The following KLHL1 variants were observed in gnomAD, a reference collection of about 807,000 sequenced individuals.
The protein encoded by KLHL1 is kelch-like protein 1.
A neutral mutation model predicts 77.7 loss-of-function variants in KLHL1; 47 were observed. The observed-to-expected ratio is 0.60, with a 90% CI of 0.48 to 0.77. KLHL1 has a LOEUF of 0.77. Ranked by LOEUF, KLHL1 falls within the 30% of genes least tolerant of loss-of-function variation. KLHL1 has a pLI of 0.00. For synonymous variants in KLHL1, 360 were observed against 325.2 expected, an observed-to-expected ratio of 1.11 and a Z score of -1.15; for missense variants, 925 against 910.8, an observed-to-expected ratio of 1.02 and a Z score of -0.20.
At chr13:69,702,984 G>T (rs562432600) in intron 10 of KLHL1, among the ~76,000 whole-genome samples, 1 of 151,758 alleles carries the variant, frequency 6.6e-6, no homozygotes, top group South Asian at 2.1e-4. Context: ...CAGCATCAAT[G>T]TATGCAAACC....
intron 3 of KLHL1, among the ~76,000 whole-genome samples, chr13:69,943,413 T>C (rs538408181): frequency 7.2e-5 from 11 of 151,800 alleles, no homozygotes; most frequent in African/African-American, 1.2e-4. Flanking sequence ...AGTGAGCTGA[T>C]GAAGGAAAAA....
rs1288331184 is a variant in KLHL1, at chr13:69,874,967, G to A, written c.1227+7316C>T. 2.0e-5 allele frequency among the ~76,000 whole-genome samples: 3 copies of A among 152,062 alleles called. No individual in the cohort carries two copies. In the East Asian group the frequency reaches 5.8e-4, roughly 29 times the overall value. ...AGAAATTTAGGACTACAGGTAAATT[G>A]TTTTTTGTAATTTGTTTCTACATAG... On this transcript the variant is annotated intron_variant, in intron 5 of 10. Transcript: ENST00000377844.
intron 1 of KLHL1, among the ~76,000 whole-genome samples, chr13:69,977,536 T>A (rs991598662): frequency 3.9e-5 from 6 of 152,096 alleles, no homozygotes; most frequent in African/African-American, 1.2e-4. Flanking sequence ...CTATATTCTG[T>A]AATCTTAAAA....
intron 6 of KLHL1, among the ~76,000 whole-genome samples, chr13:69,823,992 A>G (rs1878446240): frequency 6.6e-6 from 1 of 151,874 alleles, no homozygotes; most frequent in African/African-American, 2.4e-5. Context: ...GTGTATATAT[A>G]TGTATATGTG....
chr13:69,961,230 G>T, intron 3 of KLHL1, 78 bp downstream of exon 3: 1 of 1,355,420 alleles, frequency 7.4e-7, no homozygotes, highest in Non-Finnish European at 1.0e-6. Flanking sequence ...TTTTAAAAAA[G>T]CGTTAAATCC....
chr13:70,009,640 G>A (rs541193836), intron 1 of KLHL1, among the ~76,000 whole-genome samples: 1 of 152,216 alleles, frequency 6.6e-6, no homozygotes, highest in African/African-American at 2.4e-5. Context: ...GTTACTTAAA[G>A]GATATGTAAA....
At chr13:69,883,355 A>C (rs1478905038) in intron 4 of KLHL1, among the ~76,000 whole-genome samples, 1 of 151,718 alleles carries the variant, frequency 6.6e-6, no homozygotes. Flanking sequence ...TCCCTTACTT[A>C]CTCCATTACT....
At chr13:69,865,093 T>G (rs1403092744) in intron 5 of KLHL1, among the ~76,000 whole-genome samples, 1 of 152,062 alleles carries the variant, frequency 6.6e-6, no homozygotes, top group African/African-American at 2.4e-5. Context: ...GCTACAGGCA[T>G]GCATGTATAT....
intron 5 of KLHL1, among the ~76,000 whole-genome samples, chr13:69,875,785 A>G (rs2138184225): frequency 6.6e-6 from 1 of 152,048 alleles, no homozygotes; most frequent in South Asian, 2.1e-4. Context: ...AGCATTATTT[A>G]TTGTCTATGT....
chr13:69,861,014 T>C (rs1880135232), intron 5 of KLHL1, among the ~76,000 whole-genome samples: 2 of 152,078 alleles, frequency 1.3e-5, no homozygotes, highest in Non-Finnish European at 2.9e-5. Flanking sequence ...TACGGTGAGT[T>C]ATGATCACAA....
intron 1 of KLHL1, among the ~76,000 whole-genome samples, chr13:70,084,172 C>G (rs961531111): frequency 3.9e-5 from 6 of 152,048 alleles, no homozygotes; most frequent in Non-Finnish European, 1.5e-5. Context: ...GAGGAAGGTA[C>G]TTTAAATTAT....
intron 5 of KLHL1, among the ~76,000 whole-genome samples, chr13:69,879,209 A>AAT (rs1555276659): frequency 4.6e-5 from 7 of 152,076 alleles, no homozygotes; most frequent in Non-Finnish European, 1.0e-4. Context: ...TATAATAAAA[A>AAT]ATATATATAT....
At chr13:70,093,062 A>G (rs1344187882) in intron 1 of KLHL1, among the ~76,000 whole-genome samples, 1 of 152,160 alleles carries the variant, frequency 6.6e-6, no homozygotes, top group African/African-American at 2.4e-5. Context: ...AATGACTTCC[A>G]CTTTTATTTC....
intron 4 of KLHL1, among the ~76,000 whole-genome samples, chr13:69,891,900 T>G (rs1881435088): frequency 6.6e-6 from 1 of 151,990 alleles, no homozygotes; most frequent in Admixed American, 6.6e-5. Context: ...TTATAAATTT[T>G]ATTTTTTTAA....
chr13:69,900,509 G>A lies in KLHL1; in HGVS notation c.1015-18014C>T, dbSNP rs115103280. Among the ~76,000 whole-genome samples the A allele has an allele frequency of 5.1e-3, 781 of 152,236 alleles. 6 individuals are homozygous for A. Among genetic ancestry groups the A allele is most frequent in the African/African-American group, 0.017 (707 of 41,530 alleles). On this transcript the variant is annotated intron_variant, in intron 4 of 10. Coordinates refer to ENST00000377844, the MANE Select transcript of KLHL1 (RefSeq NM_020866.3). ...CCATTGTTCCCAGTAATCCACTTAC[G>A]AATATGTGCTTTGTTTACCCACACC...
chr13:69,781,843 G>A (rs533995306), intron 7 of KLHL1, among the ~76,000 whole-genome samples: 1 of 151,880 alleles, frequency 6.6e-6, no homozygotes, highest in Non-Finnish European at 1.5e-5. Context: ...TACTATAATG[G>A]CTATAAATGG....
chr13:69,802,489 A>T (rs538883587), intron 6 of KLHL1, among the ~76,000 whole-genome samples: 1 of 152,228 alleles, frequency 6.6e-6, no homozygotes, highest in South Asian at 2.1e-4. Flanking sequence ...AAAAAGAAGT[A>T]AAAACTAAAA....
chr13:69,782,882 C>A (rs1278832255), intron 7 of KLHL1, among the ~76,000 whole-genome samples: 3 of 152,168 alleles, frequency 2.0e-5, no homozygotes, highest in Non-Finnish European at 4.4e-5. Context: ...GTCCCTGACC[C>A]CCGAGCAGCC....
intron 4 of KLHL1, among the ~76,000 whole-genome samples, chr13:69,912,363 A>G (rs1380016377): frequency 6.6e-6 from 1 of 152,204 alleles, no homozygotes; most frequent in African/African-American, 2.4e-5. Flanking sequence ...TCAGAAAAAA[A>G]GAGTAACACT....
Sources: gnomAD v4.1 joint callset for allele counts (sites outside exome capture counted in the v4.1 genomes callset) on GRCh38, gnomAD v4.1.1 for gene constraint, MANE v1.5 for transcripts, NCBI Gene and HGNC (gene_info 2026-07-23, HGNC 2026-07-21) for gene names.